The following CCDC7 variants were observed in gnomAD, a reference collection of about 807,000 sequenced individuals.
CCDC7 encodes coiled-coil domain containing 7.
A neutral mutation model predicts 196.9 loss-of-function variants in CCDC7; 183 were observed. The observed-to-expected ratio is 0.93, with a 90% CI of 0.82 to 1.05. The LOEUF is 1.05. Among genes scored for constraint, CCDC7 ranks in the 50% least tolerant of loss-of-function variants. The pLI is 0.00. For synonymous variants in CCDC7, 525 were observed against 484.6 expected (o/e 1.08, Z -1.10); for missense variants, 1,540 against 1,482.2 (o/e 1.04, Z -0.64).
chr10:32,648,134 C>A (rs1317756196), intron 20 of CCDC7, among the ~76,000 whole-genome samples: 1 of 150,156 alleles, frequency 6.7e-6, no homozygotes, highest in Non-Finnish European at 1.5e-5. Context: ...TATCAGATGG[C>A]TGTAGGTGTG....
At chr10:32,496,696 T>A (rs1165231152) in intron 9 of CCDC7, among the ~76,000 whole-genome samples, 1 of 152,202 alleles carries the variant, frequency 6.6e-6, no homozygotes, top group Non-Finnish European at 1.5e-5. Flanking sequence ...ATTACGTTTA[T>A]TGATTTGTGT....
chr10:32,482,711 A>G (rs534720066), intron 8 of CCDC7, among the ~76,000 whole-genome samples: 22 of 149,690 alleles, frequency 1.5e-4, no homozygotes, highest in East Asian at 7.9e-4. Context: ...ATGTGTTCTC[A>G]TTGTTCAGTT....
At chr10:32,460,283 T>A (rs1008026280) in intron 3 of CCDC7, among the ~76,000 whole-genome samples, 2 of 152,182 alleles carry the variant, frequency 1.3e-5, no homozygotes, top group African/African-American at 4.8e-5. Flanking sequence ...TGTCTACTTA[T>A]CAGTAAGTAA....
chr10:32,460,511 G>A (rs1031923524), intron 3 of CCDC7, among the ~76,000 whole-genome samples: 1 of 152,112 alleles, frequency 6.6e-6, no homozygotes, highest in Non-Finnish European at 1.5e-5. Context: ...ATTGATATAC[G>A]CTAAAGTTTC....
At chr10:32,523,231 A>C (rs2048138001) in intron 11 of CCDC7, among the ~76,000 whole-genome samples, 1 of 152,086 alleles carries the variant, frequency 6.6e-6, no homozygotes, top group African/African-American at 2.4e-5. Flanking sequence ...TTTCTATCTC[A>C]GAGATCTTTC....
At chr10:32,706,410 C>T (rs1363389978) in intron 24 of CCDC7, among the ~76,000 whole-genome samples, 3 of 152,012 alleles carry the variant, frequency 2.0e-5, no homozygotes, top group African/African-American at 7.2e-5. Flanking sequence ...ATTAAAAGAA[C>T]TAGAGAAGCA....
intron 25 of CCDC7, among the ~76,000 whole-genome samples, chr10:32,721,388 G>T (rs779825205): frequency 9.2e-5 from 14 of 152,136 alleles, no homozygotes; most frequent in African/African-American, 2.9e-4. Context: ...CAAAGAAGTT[G>T]CTGAGACCTA....
chr10:32,588,765 A>G (rs1440390852), intron 18 of CCDC7, among the ~76,000 whole-genome samples: 1 of 152,124 alleles, frequency 6.6e-6, no homozygotes, highest in East Asian at 1.9e-4. Context: ...CAGTGAGGCC[A>G]TCTGGTCCTA....
chr10:32,618,692 C>T (rs1219035650), intron 18 of CCDC7, among the ~76,000 whole-genome samples: 15 of 151,922 alleles, frequency 9.9e-5, no homozygotes, highest in Admixed American at 9.8e-4. Context: ...TGTAGGTCAC[C>T]AGCTGATTTT....
intron 31 of CCDC7, among the ~76,000 whole-genome samples, chr10:32,814,671 A>C (rs893466195): frequency 2.0e-5 from 3 of 152,242 alleles, no homozygotes; most frequent in Admixed American, 6.5e-5. Context: ...ATGTGATAAG[A>C]AGATGAATAT....
chr10:32,456,279 CAT>C lies in CCDC7; in HGVS notation c.404_405del (p.Tyr135LeufsTer13). 1 of 1,568,894 alleles carries C rather than the reference CAT, an allele frequency of 6.4e-7. No individual in the cohort carries two copies. Among genetic ancestry groups the C allele is most frequent in the East Asian group, 2.3e-5 (1 of 44,266 alleles). On this transcript the variant is annotated frameshift_variant, in exon 3 of 42. Coordinates refer to ENST00000639629, the Ensembl canonical transcript of CCDC7. LOFTEE classifies it high-confidence loss of function. ...GGGGATGATATGAATTCATTCTTGA[CAT>C]ATTGTTCGCAATTTGCAGCTCAGCT...
intron 11 of CCDC7, among the ~76,000 whole-genome samples, chr10:32,531,986 T>C (rs1269173996): frequency 6.6e-6 from 1 of 152,160 alleles, no homozygotes; most frequent in East Asian, 1.9e-4. Context: ...TTTCAAAACA[T>C]CAACTTTTTC....
chr10:32,775,639 C>T (rs193136536), intron 28 of CCDC7, among the ~76,000 whole-genome samples: 55 of 152,068 alleles, frequency 3.6e-4, no homozygotes, highest in African/African-American at 1.1e-3. Flanking sequence ...ATCATATTTT[C>T]GAAGGAAATA....
At chr10:32,641,258 G>C (rs2066746580) in intron 20 of CCDC7, among the ~76,000 whole-genome samples, 2 of 152,128 alleles carry the variant, frequency 1.3e-5, no homozygotes, top group African/African-American at 2.4e-5. Flanking sequence ...TTCCAGCTTG[G>C]TTCTATTCTC....
chr10:32,797,654 T>C (rs2083886011), intron 29 of CCDC7, among the ~76,000 whole-genome samples: 1 of 151,940 alleles, frequency 6.6e-6, no homozygotes, highest in Non-Finnish European at 1.5e-5. Context: ...CCAATGATTA[T>C]GGAAATAAAA....
chr10:32,684,815 C>G (rs73259470), intron 21 of CCDC7, among the ~76,000 whole-genome samples: 8,179 of 152,258 alleles, frequency 0.054, 720 homozygotes, highest in African/African-American at 0.18. Flanking sequence ...TGTACCGTCT[C>G]TTCTCCACAC....
intron 18 of CCDC7, among the ~76,000 whole-genome samples, chr10:32,597,817 C>T (rs761361134): frequency 1.6e-4 from 24 of 152,132 alleles, no homozygotes; most frequent in South Asian, 4.1e-4. Context: ...GGGTATCCAG[C>T]GGAGGCTGCA....
At chr10:32,637,948 C>G (rs2065956479) in intron 20 of CCDC7, among the ~76,000 whole-genome samples, 1 of 152,156 alleles carries the variant, frequency 6.6e-6, no homozygotes, top group Non-Finnish European at 1.5e-5. Context: ...TCCTTCACAT[C>G]CCTTGTAAGT....
intron 20 of CCDC7, among the ~76,000 whole-genome samples, chr10:32,648,904 A>C (rs987280302): frequency 6.6e-6 from 1 of 152,210 alleles, no homozygotes. Flanking sequence ...CATGGAATTA[A>C]CCTAAATACC....
Sources: gnomAD v4.1 joint callset for allele counts (sites outside exome capture counted in the v4.1 genomes callset) on GRCh38, gnomAD v4.1.1 for gene constraint, MANE v1.5 for transcripts, NCBI Gene and HGNC (gene_info 2026-07-23, HGNC 2026-07-21) for gene names.